Variants in ENTREP2 observed in about 807,000 individuals in gnomAD.
ENTREP2 encodes the protein protein ENTREP2.
chr15:29,167,536 T>C, the ENTREP2 span, among the ~76,000 whole-genome samples: 1 of 152,138 alleles, frequency 6.6e-6, no homozygotes, highest in Non-Finnish European at 1.5e-5. Context: ...CAAAAGAAGA[T>C]ATACAAATGG....
the ENTREP2 span, among the ~76,000 whole-genome samples, chr15:29,316,681 T>C: frequency 3.3e-5 from 5 of 152,202 alleles, no homozygotes; most frequent in East Asian, 1.9e-4. Context: ...TAGGGTTCAA[T>C]ATGTCATTCT....
At chr15:29,640,582 G>GA in the ENTREP2 span, among the ~76,000 whole-genome samples, 1 of 152,016 alleles carries the variant, frequency 6.6e-6, no homozygotes, top group African/African-American at 2.4e-5. Flanking sequence ...AAGATTGCTT[G>GA]AGCCCAGGAG....
chr15:29,566,725 G>C, the ENTREP2 span, among the ~76,000 whole-genome samples: 1 of 135,840 alleles, frequency 7.4e-6, no homozygotes, highest in Admixed American at 7.6e-5. Flanking sequence ...CCAAAGTGTT[G>C]GGATTACAGG....
At chr15:29,120,738 C>T in the ENTREP2 span, 2 of 152,292 alleles carry the variant, frequency 1.3e-5, no homozygotes, top group African/African-American at 2.4e-5. Context: ...CATTTCAGAT[C>T]CCAGATGGAA....
chr15:29,567,620 T>G, the ENTREP2 span, among the ~76,000 whole-genome samples: 1 of 152,098 alleles, frequency 6.6e-6, no homozygotes, highest in Non-Finnish European at 1.5e-5. Context: ...TGTGTTCCAA[T>G]GGCTAAGGCA....
At chr15:29,568,574 C>T in the ENTREP2 span, among the ~76,000 whole-genome samples, 1 of 151,896 alleles carries the variant, frequency 6.6e-6, no homozygotes, top group Non-Finnish European at 1.5e-5. Flanking sequence ...CATGGTGGTA[C>T]ACACCTGTAG....
At chr15:29,359,905 A>G in the ENTREP2 span, among the ~76,000 whole-genome samples, 1 of 152,176 alleles carries the variant, frequency 6.6e-6, no homozygotes, top group Non-Finnish European at 1.5e-5. Flanking sequence ...TCATCCCACT[A>G]TTTATTGTAT....
the ENTREP2 span, among the ~76,000 whole-genome samples, chr15:29,347,403 C>G: frequency 2.1e-4 from 32 of 151,928 alleles, no homozygotes; most frequent in African/African-American, 7.5e-4. Context: ...CTCCTGGCCT[C>G]GAGCAATCCT....
At chr15:29,296,212 G>C in the ENTREP2 span, among the ~76,000 whole-genome samples, 1 of 152,160 alleles carries the variant, frequency 6.6e-6, no homozygotes. Context: ...TTTCTCTAGA[G>C]AATCCCAATT....
chr15:29,459,183 T>C, the ENTREP2 span, among the ~76,000 whole-genome samples: 34 of 152,324 alleles, frequency 2.2e-4, no homozygotes, highest in Middle Eastern at 3.4e-3. Context: ...CACCACTCCA[T>C]GCGTCCCCAG....
chr15:29,388,631 A>G, the ENTREP2 span, among the ~76,000 whole-genome samples: 1 of 152,196 alleles, frequency 6.6e-6, no homozygotes, highest in Non-Finnish European at 1.5e-5. Context: ...TACCCAAAGG[A>G]TTATAAATCA....
chr15:29,246,113 C>A, the ENTREP2 span, among the ~76,000 whole-genome samples: 1 of 152,156 alleles, frequency 6.6e-6, no homozygotes, highest in Non-Finnish European at 1.5e-5. Context: ...ACTATTCAAT[C>A]GGGCACAGTG....
At chr15:29,538,389 TC>T in the ENTREP2 span, among the ~76,000 whole-genome samples, 1 of 152,068 alleles carries the variant, frequency 6.6e-6, no homozygotes, top group South Asian at 2.1e-4. Context: ...CGATGACTGA[TC>T]ATAATGGCTG....
At chr15:29,234,368 G>A in the ENTREP2 span, 2 of 1,573,576 alleles carry the variant, frequency 1.3e-6, no homozygotes, top group Non-Finnish European at 1.7e-6. Flanking sequence ...ACACAGAAAT[G>A]TCACTCTGCA....
the ENTREP2 span, among the ~76,000 whole-genome samples, chr15:29,356,383 T>C: frequency 7.2e-6 from 1 of 138,044 alleles, no homozygotes; most frequent in African/African-American, 2.6e-5. Flanking sequence ...CTCAGCTCAC[T>C]GCAGGCTCTG....
chr15:29,621,816 G>A, the ENTREP2 span, among the ~76,000 whole-genome samples: 2 of 152,158 alleles, frequency 1.3e-5, no homozygotes, highest in African/African-American at 4.8e-5. Context: ...TGTACACTGC[G>A]TTCGAAGCAC....
chr15:29,645,851 G>A, the ENTREP2 span, among the ~76,000 whole-genome samples: 8 of 152,230 alleles, frequency 5.3e-5, no homozygotes, highest in East Asian at 3.9e-4. Flanking sequence ...GAGCCACTGC[G>A]CCTGGCCGTG....
the ENTREP2 span, among the ~76,000 whole-genome samples, chr15:29,498,946 G>A: frequency 1.3e-5 from 2 of 151,908 alleles, no homozygotes; most frequent in Non-Finnish European, 2.9e-5. Context: ...ACTATATTTT[G>A]TCTGATATAA....
At chr15:29,137,169 G>C in the ENTREP2 span, 1 of 1,482,046 alleles carries the variant, frequency 6.7e-7, no homozygotes, top group Non-Finnish European at 8.9e-7. Flanking sequence ...GGTGGGGTTG[G>C]CAGGATGTGA....
Sources: gnomAD v4.1 joint callset for allele counts (sites outside exome capture counted in the v4.1 genomes callset) on GRCh38, gnomAD v4.1.1 for gene constraint, MANE v1.5 for transcripts, NCBI Gene and HGNC (gene_info 2026-07-23, HGNC 2026-07-21) for gene names.